MTHFD1L: variants seen among roughly 807,000 people sequenced by gnomAD.
The protein encoded by MTHFD1L is methylenetetrahydrofolate dehydrogenase (NADP+ dependent) 1 like.
A neutral mutation model predicts 119.5 loss-of-function variants in MTHFD1L; 81 were observed. That is an observed-to-expected ratio of 0.68 (90% CI 0.57 to 0.82). The LOEUF is 0.82. MTHFD1L is among the 40% of genes least tolerant of loss of function. The pLI is 0.00. For missense variants in MTHFD1L, 1,125 were observed against 1,253.4 expected (o/e 0.90, Z 1.55); for synonymous variants, 430 against 475.2 (o/e 0.90, Z 1.24).
At chr6:150,995,260 A>G (rs1056089672) in intron 20 of MTHFD1L, among the ~76,000 whole-genome samples, 3 of 152,068 alleles carry the variant, frequency 2.0e-5, no homozygotes, top group African/African-American at 7.2e-5. Flanking sequence ...TCACGCCTGT[A>G]TCCCAGCACT....
At chr6:151,066,995 A>ATTTTTTTTTTTTTTTTTTTTTTTTTT (rs36035374) in intron 26 of MTHFD1L, among the ~76,000 whole-genome samples, 1 of 138,550 alleles carries the variant, frequency 7.2e-6, no homozygotes. Context: ...TATCAATTTG[A>ATTTTTTTTTTTTTTTTTTTTTTTTTT]TTTTTTTTTT....
chr6:150,928,363 G>A (rs1320809671), intron 11 of MTHFD1L, among the ~76,000 whole-genome samples: 1 of 149,866 alleles, frequency 6.7e-6, no homozygotes, highest in African/African-American at 2.5e-5. Context: ...GTGAACCTGG[G>A]AGGCGGAGCT....
intron 26 of MTHFD1L, among the ~76,000 whole-genome samples, chr6:151,048,440 C>G (rs1221822855): frequency 6.6e-6 from 1 of 152,154 alleles, no homozygotes; most frequent in Non-Finnish European, 1.5e-5. Context: ...CTTGGCCTTC[C>G]CACAATGGGA....
At chr6:151,072,978 G>A (rs12524884) in intron 26 of MTHFD1L, among the ~76,000 whole-genome samples, 20,578 of 148,386 alleles carry the variant, frequency 0.14, 1,684 homozygotes, top group Non-Finnish European at 0.18. Flanking sequence ...TCAGGGCATT[G>A]GACACCAGGC....
At chr6:150,875,580 CT>C (rs1337099160) in intron 1 of MTHFD1L, among the ~76,000 whole-genome samples, 8 of 151,958 alleles carry the variant, frequency 5.3e-5, no homozygotes, top group African/African-American at 7.3e-5. Context: ...TACCTAATTC[CT>C]TCTTTAAATT....
rs949977572 is a variant in MTHFD1L, at chr6:151,039,368, T to C, written c.2847+2251T>C. Among the ~76,000 whole-genome samples the C allele has an allele frequency of 3.9e-5, 6 of 152,118 alleles. No individual in the cohort carries two copies. Among genetic ancestry groups the C allele is most frequent in the Admixed American group, 2.0e-4 (3 of 15,272 alleles). Reference sequence around the variant, plus strand: ...TGCAGAGGGGCAGGAGGGAACTTTTTGGGATAATGCAAATACCCTATGTTT... The same window carrying C: ...TGCAGAGGGGCAGGAGGGAACTTTTCGGGATAATGCAAATACCCTATGTTT... On this transcript the variant is annotated intron_variant, in intron 26 of 27. Transcript: ENST00000367321. This position sits in a 1 kb window ranked among gnomAD's most constrained non-coding sequence, Gnocchi z 4.4.
At chr6:150,944,629 G>A (rs1157326171) in intron 14 of MTHFD1L, 36 bp downstream of exon 14, 1 of 1,484,808 alleles carries the variant, frequency 6.7e-7, no homozygotes, top group Non-Finnish European at 9.4e-7. Context: ...TTTGGGTATT[G>A]TATCCTGGAA....
At chr6:150,955,702 G>A (rs1373457329) in intron 16 of MTHFD1L, among the ~76,000 whole-genome samples, 2 of 152,018 alleles carry the variant, frequency 1.3e-5, no homozygotes, top group Non-Finnish European at 2.9e-5. Flanking sequence ...GTTTCACCAT[G>A]TTGGCCAGGC....
chr6:151,069,251 T>TCTCTCTCTCTC (rs1791671966), intron 26 of MTHFD1L, among the ~76,000 whole-genome samples: 1 of 136,592 alleles, frequency 7.3e-6, no homozygotes, highest in African/African-American at 2.8e-5. Context: ...TTCTCTCTCT[T>TCTCTCTCTCTC]TCTCTCTCTC....
intron 26 of MTHFD1L, among the ~76,000 whole-genome samples, chr6:151,076,792 A>G (rs1371678619): frequency 6.6e-6 from 1 of 152,162 alleles, no homozygotes; most frequent in African/African-American, 2.4e-5. Flanking sequence ...AAAAAGTTAA[A>G]GTGCACCTGC....
intron 27 of MTHFD1L, among the ~76,000 whole-genome samples, chr6:151,094,879 G>T (rs534198166): frequency 6.6e-6 from 1 of 151,618 alleles, no homozygotes; most frequent in Non-Finnish European, 1.5e-5. Context: ...GGGTTTTACC[G>T]TGTTGGCCAG....
intron 1 of MTHFD1L, among the ~76,000 whole-genome samples, chr6:150,871,576 G>T (rs909497979): frequency 1.5e-5 from 2 of 136,686 alleles, no homozygotes; most frequent in South Asian, 4.7e-4. Flanking sequence ...ATCTCGGCTC[G>T]CTGGAACCTC....
intron 1 of MTHFD1L, among the ~76,000 whole-genome samples, chr6:150,872,276 G>A (rs1319510003): frequency 6.6e-6 from 1 of 152,064 alleles, no homozygotes; most frequent in East Asian, 1.9e-4. Context: ...CTAACTGTTT[G>A]GCTCAAGAGG....
chr6:150,967,632 C>T (rs1314580689), intron 19 of MTHFD1L, among the ~76,000 whole-genome samples: 1 of 152,188 alleles, frequency 6.6e-6, no homozygotes, highest in Non-Finnish European at 1.5e-5. Context: ...AAGGCAGAAA[C>T]CCGAGGATGA....
chr6:150,925,254 C>T lies in MTHFD1L; in HGVS notation c.1083-868C>T, dbSNP rs115039400. 3.2e-3 allele frequency among the ~76,000 whole-genome samples: 484 copies of T among 152,270 alleles called. 1 individual carries two copies. The highest frequency in any genetic ancestry group is 0.011 in the African/African-American group (464 of 41,556). The stretch of plus-strand genomic sequence containing the variant: ...GCAACCTTTAAGGGTAGTCCCCCGC[C>T]GCGTGGTCTCCCGGGGTTAGTCTTG... On this transcript the variant is annotated intron_variant, in intron 10 of 27. Coordinates refer to ENST00000367321, the MANE Select transcript of MTHFD1L (RefSeq NM_015440.5).
chr6:150,955,965 C>T (rs751484475), intron 16 of MTHFD1L, 30 bp from the exon 17 acceptor site: 20 of 1,581,794 alleles, frequency 1.3e-5, no homozygotes, highest in Middle Eastern at 1.7e-4. Context: ...CCATATTTGT[C>T]GACTGAATGA....
intron 7 of MTHFD1L, among the ~76,000 whole-genome samples, chr6:150,898,134 G>A (rs755767508): frequency 3.3e-5 from 5 of 152,146 alleles, no homozygotes; most frequent in South Asian, 2.1e-4. Context: ...ATGAGCCACC[G>A]CGCCTGGCCA....
At chr6:151,082,815 C>CA (rs1014732052) in intron 26 of MTHFD1L, among the ~76,000 whole-genome samples, 8 of 151,832 alleles carry the variant, frequency 5.3e-5, no homozygotes, top group African/African-American at 1.7e-4. Flanking sequence ...CAATCACAAT[C>CA]AAAAAAAACA....
At chr6:150,875,944 C>T (rs931854364) in intron 1 of MTHFD1L, 146 bp from the exon 2 acceptor site, 1 of 628,452 alleles carries the variant, frequency 1.6e-6, no homozygotes, top group Non-Finnish European at 2.8e-6. Context: ...GCCGCCTACC[C>T]CCTCCACAGT....
Sources: allele counts gnomAD v4.1 joint callset (sites outside exome capture counted in the v4.1 genomes callset), GRCh38; gene constraint gnomAD v4.1.1; non-coding constraint Gnocchi (gnomAD v3.1); transcripts MANE v1.5; gene names NCBI Gene and HGNC (gene_info 2026-07-23, HGNC 2026-07-21).